Variants in PAQR5 observed in about 807,000 individuals in gnomAD.
PAQR5 encodes membrane progestin receptor gamma.
Under a neutral mutation model 34.5 loss-of-function variants are expected in PAQR5, and 20 were observed. The ratio of observed to expected loss-of-function variants is 0.58; its 90% CI spans 0.41 to 0.84. The LOEUF is 0.84. PAQR5 is among the 40% of genes least tolerant of loss of function. The probability of loss-of-function intolerance (pLI) is 0.00; values close to 1 mark genes in which losing one functional copy is unlikely to be tolerated. For missense variants in PAQR5, 378 were observed against 412.7 expected (o/e 0.92, Z 0.73); for synonymous variants, 131 against 155.6 (o/e 0.84, Z 1.18).
intron 1 of PAQR5, among the ~76,000 whole-genome samples, chr15:69,328,907 A>C (rs1186397584): frequency 6.6e-6 from 1 of 152,206 alleles, no homozygotes; most frequent in African/African-American, 2.4e-5. Flanking sequence ...TGCCTCTCCC[A>C]GCCACCGGAC....
chr15:69,323,721 G>A (rs1313097328), intron 1 of PAQR5, among the ~76,000 whole-genome samples: 1 of 152,194 alleles, frequency 6.6e-6, no homozygotes, highest in Non-Finnish European at 1.5e-5. Context: ...AGGAGAAAGA[G>A]TAAAGCAAAT....
At chr15:69,319,094 A>T (rs955848919) in intron 1 of PAQR5, among the ~76,000 whole-genome samples, 1 of 149,982 alleles carries the variant, frequency 6.7e-6, no homozygotes, top group Non-Finnish European at 1.5e-5. Flanking sequence ...AGATTGTGCC[A>T]CTGCACTCCA....
chr15:69,320,450 G>A (rs113061999), intron 1 of PAQR5, among the ~76,000 whole-genome samples: 99 of 47,740 alleles, frequency 2.1e-3, no homozygotes, highest in African/African-American at 3.3e-3. Context: ...GAGGTGCCTA[G>A]CATCCCCTTC....
In PAQR5 at chr15:69,339,539, C is replaced by G. The variant is rs561792320; in HGVS notation, c.-116+2038C>G. Among the ~76,000 whole-genome samples the G allele has an allele frequency of 1.2e-3, 182 of 152,066 alleles. 1 individual carries two copies. The highest frequency in any genetic ancestry group is 4.2e-3 in the African/African-American group (176 of 41,498). On this transcript the variant is annotated intron_variant, in intron 2 of 8. Transcript: ENST00000395407. ...CCAGGCTGGAGTACAGTGGTGCAAT[C>G]TCAGCTCACTGCAGCCTCTGCCTCC...
At chr15:69,314,200 G>T (rs1472439273) in intron 1 of PAQR5, among the ~76,000 whole-genome samples, 1 of 151,560 alleles carries the variant, frequency 6.6e-6, no homozygotes, top group East Asian at 1.9e-4. Flanking sequence ...TTTACAAATT[G>T]TAAGTGGAAA....
intron 1 of PAQR5, among the ~76,000 whole-genome samples, chr15:69,312,614 A>G (rs1258232763): frequency 1.5e-5 from 2 of 135,450 alleles, no homozygotes; most frequent in African/African-American, 5.7e-5. Flanking sequence ...CCCCATGAAA[A>G]CCCCCCTTCT....
intron 3 of PAQR5, among the ~76,000 whole-genome samples, chr15:69,364,633 A>AG (rs2055343348): frequency 1.4e-5 from 1 of 73,392 alleles, no homozygotes; most frequent in South Asian, 7.1e-4. Context: ...TTCACCATTT[A>AG]ATATGGTTGC....
intron 1 of PAQR5, among the ~76,000 whole-genome samples, chr15:69,300,340 G>A (rs1431260908): frequency 6.6e-6 from 1 of 152,076 alleles, no homozygotes; most frequent in Non-Finnish European, 1.5e-5. Flanking sequence ...AATAGTACCT[G>A]GCACACGGAA....
intron 3 of PAQR5, among the ~76,000 whole-genome samples, chr15:69,369,432 A>G (rs936592411): frequency 3.9e-5 from 6 of 152,136 alleles, no homozygotes; most frequent in African/African-American, 1.4e-4. Context: ...GCTACTCAAG[A>G]GGCTGAGGCA....
intron 1 of PAQR5, among the ~76,000 whole-genome samples, chr15:69,336,040 GGAGA>G (rs2140701110): frequency 6.6e-6 from 1 of 152,270 alleles, no homozygotes; most frequent in South Asian, 2.1e-4. Flanking sequence ...AAAAAAAGGA[GGAGA>G]GAGAGAAAGG....
At chr15:69,331,517 T>C (rs1050888918) in intron 1 of PAQR5, among the ~76,000 whole-genome samples, 3 of 152,148 alleles carry the variant, frequency 2.0e-5, no homozygotes, top group Non-Finnish European at 4.4e-5. Flanking sequence ...GGAAGGGATC[T>C]CAGGAGAGGT....
chr15:69,322,691 G>GGAAGAAGAAGAAGAAGAAGAA lies in PAQR5; in HGVS notation c.-276-14590_-276-14570dup, dbSNP rs780711031. On this transcript the variant is annotated intron_variant, in intron 1 of 8. Coordinates refer to ENST00000395407, the MANE Select transcript of PAQR5 (RefSeq NM_017705.4). ...AAAAAAAAGAAGAAGAAGGAGAAGAGGAAGAAGAAGAAGAAGAAGAAGAAG... is the reference window on the plus strand; with the variant it reads ...AAAAAAAAGAAGAAGAAGGAGAAGAGGAAGAAGAAGAAGAAGAAGAAGAAGAAGAAGAAGAAGAAGAAGAAG... 1.5e-3 allele frequency among the ~76,000 whole-genome samples: 37 copies of GGAAGAAGAAGAAGAAGAAGAA among 25,460 alleles called. 2 individuals carry two copies. Among genetic ancestry groups the GGAAGAAGAAGAAGAAGAAGAA allele is most frequent in the Admixed American group, 1.8e-3 (3 of 1,632 alleles). The allele number at this position is 25,460 out of a possible 152,430, so 16.7% of individuals were successfully genotyped here. A position where few individuals can be genotyped will look rare whatever the true frequency, so the allele number is the denominator to read the frequency against.
At chr15:69,402,136 G>A (rs1329076293) in intron 8 of PAQR5, among the ~76,000 whole-genome samples, 1 of 152,116 alleles carries the variant, frequency 6.6e-6, no homozygotes, top group Non-Finnish European at 1.5e-5. Context: ...GACTGTTGTG[G>A]CCTAAACAAC....
At chr15:69,372,076 C>T (rs2055577884) in intron 3 of PAQR5, among the ~76,000 whole-genome samples, 1 of 152,216 alleles carries the variant, frequency 6.6e-6, no homozygotes. Flanking sequence ...GAATGTCATA[C>T]ATAATCTTTG....
chr15:69,317,792 C>G (rs932779982), intron 1 of PAQR5, among the ~76,000 whole-genome samples: 1 of 152,162 alleles, frequency 6.6e-6, no homozygotes, highest in African/African-American at 2.4e-5. Flanking sequence ...TTCCCCTTCT[C>G]CCCATGCTGT....
intron 1 of PAQR5, among the ~76,000 whole-genome samples, chr15:69,310,805 A>G (rs551555064): frequency 8.3e-4 from 126 of 151,756 alleles, no homozygotes; most frequent in African/African-American, 2.8e-3. Context: ...TTGGGAGGCC[A>G]AGGCGGGTGG....
At chr15:69,392,748 T>G (rs1298573234) in intron 6 of PAQR5, among the ~76,000 whole-genome samples, 1 of 152,088 alleles carries the variant, frequency 6.6e-6, no homozygotes, top group Admixed American at 6.6e-5. Context: ...CACAGGGTTC[T>G]GAGAAGTGGC....
intron 1 of PAQR5, among the ~76,000 whole-genome samples, chr15:69,327,104 C>G (rs1171013279): frequency 1.3e-5 from 2 of 152,040 alleles, no homozygotes; most frequent in Non-Finnish European, 2.9e-5. Context: ...CCTGCCTCAG[C>G]CTCCCTAGTA....
intron 2 of PAQR5, among the ~76,000 whole-genome samples, chr15:69,359,586 C>T (rs1222192996): frequency 6.6e-6 from 1 of 152,110 alleles, no homozygotes; most frequent in Non-Finnish European, 1.5e-5. Flanking sequence ...CTTTTCTATA[C>T]AATGTCTGTA....
Sources: allele counts gnomAD v4.1 joint callset (sites outside exome capture counted in the v4.1 genomes callset), GRCh38; gene constraint gnomAD v4.1.1; transcripts MANE v1.5; gene names NCBI Gene and HGNC (gene_info 2026-07-23, HGNC 2026-07-21).